Variants in DOCK5 observed in about 807,000 individuals in gnomAD.
DOCK5 encodes the protein dedicator of cytokinesis 5.
A neutral mutation model predicts 251.8 loss-of-function variants in DOCK5; 142 were observed. The ratio of observed to expected loss-of-function variants is 0.56; its 90% CI spans 0.49 to 0.65. The LOEUF (loss-of-function observed/expected upper bound fraction) is 0.65. Among genes scored for constraint, DOCK5 ranks in the 30% least tolerant of loss-of-function variants. DOCK5 has a pLI of 0.00. For synonymous variants in DOCK5, 842 were observed against 835.5 expected (o/e 1.01, Z -0.13); for missense variants, 2,111 against 2,312.3 (o/e 0.91, Z 1.79).
chr8:25,235,459 A>G (rs915777507), intron 1 of DOCK5, among the ~76,000 whole-genome samples: 3 of 152,040 alleles, frequency 2.0e-5, no homozygotes, highest in Admixed American at 6.6e-5. Flanking sequence ...GGGTCTCCCT[A>G]TGTTGCCCAG....
chr8:25,208,724 T>C (rs1332660870), intron 1 of DOCK5, among the ~76,000 whole-genome samples: 1 of 152,246 alleles, frequency 6.6e-6, no homozygotes, highest in Non-Finnish European at 1.5e-5. Flanking sequence ...TTGGCTTTAC[T>C]GCAATATTTG....
chr8:25,300,280 G>A (rs546866840), intron 8 of DOCK5, among the ~76,000 whole-genome samples: 13 of 152,310 alleles, frequency 8.5e-5, no homozygotes, highest in South Asian at 4.1e-4. Context: ...AACCCAGACC[G>A]TAGCATCCCA....
At chr8:25,369,789 G>A (rs1800842044) in intron 34 of DOCK5, 148 bp downstream of exon 34, 5 of 584,726 alleles carry the variant, frequency 8.6e-6, no homozygotes, top group South Asian at 4.9e-5. Context: ...GTTATGGGGT[G>A]TATACTGTCC....
chr8:25,395,749 T>C, intron 45 of DOCK5, 30 bp downstream of exon 45: 1 of 1,601,382 alleles, frequency 6.2e-7, no homozygotes, highest in Non-Finnish European at 8.5e-7. Flanking sequence ...CCCCTAGGGA[T>C]TCACAGACCT....
At chr8:25,300,478 G>T in intron 8 of DOCK5, 98 bp from the exon 9 acceptor site, 1 of 1,062,008 alleles carries the variant, frequency 9.4e-7, no homozygotes, top group Non-Finnish European at 1.4e-6. Flanking sequence ...GAGCATTTCT[G>T]GCCTTTCCTC....
intron 11 of DOCK5, chr8:25,305,306 AAG>A (rs1491219306): frequency 1.3e-5 from 2 of 152,120 alleles, no homozygotes; most frequent in Non-Finnish European, 2.9e-5. Flanking sequence ...AAAAAAAAAA[AAG>A]GTTTTTGGAG....
intron 9 of DOCK5, 54 bp from the exon 10 acceptor site, chr8:25,302,271 A>G (rs966471623): frequency 6.6e-7 from 1 of 1,525,992 alleles, no homozygotes; most frequent in Non-Finnish European, 8.8e-7. Flanking sequence ...AAAGAGACAC[A>G]GGTGACACAG....
chr8:25,316,613 C>T (rs1027551694), intron 13 of DOCK5, among the ~76,000 whole-genome samples: 4 of 152,182 alleles, frequency 2.6e-5, no homozygotes, highest in Non-Finnish European at 5.9e-5. Context: ...TTGCCTGGCA[C>T]AGCATATAAT....
chr8:25,369,980 C>T (rs761787237), intron 34 of DOCK5, among the ~76,000 whole-genome samples: 1 of 152,114 alleles, frequency 6.6e-6, no homozygotes, highest in Non-Finnish European at 1.5e-5. Flanking sequence ...TGCAAAGTAA[C>T]AATTTAAAGG....
At position 25,411,205 on chromosome 8, in the gene DOCK5, A is replaced by T; in HGVS notation, c.5520A>T (p.Pro1840=). The T allele has an allele frequency of 6.3e-7, 1 of 1,586,780 alleles. No homozygotes were observed. Among genetic ancestry groups the T allele is most frequent in the Non-Finnish European group, 8.6e-7 (1 of 1,168,568 alleles). Residue 1840 remains proline, a synonymous_variant, in exon 52 of 52, where the codon CCA becomes CCT. Coordinates refer to ENST00000276440, the MANE Select transcript of DOCK5 (RefSeq NM_024940.8). The part of the protein sequence containing the change: ...SQRNSTELAP[P]LPVRREAKAP... ...TTCTGCTTCTGCAGCTCGCTCCCCC[A>T]CTGCCTGTCCGAAGAGAAGCCAAAG...
chr8:25,261,518 T>G (rs958277330), intron 2 of DOCK5, among the ~76,000 whole-genome samples: 14 of 152,242 alleles, frequency 9.2e-5, no homozygotes, highest in Non-Finnish European at 1.8e-4. Context: ...TATTCAGTCA[T>G]ATTTCAGCAA....
chr8:25,352,350 G>A (rs1458738664), intron 27 of DOCK5, among the ~76,000 whole-genome samples: 1 of 151,990 alleles, frequency 6.6e-6, no homozygotes, highest in Non-Finnish European at 1.5e-5. Context: ...GAACCACCCA[G>A]CCCCTTTGAT....
At chr8:25,334,063 A>C (rs532586695) in intron 20 of DOCK5, 33 bp from the exon 21 acceptor site, 1 of 1,513,642 alleles carries the variant, frequency 6.6e-7, no homozygotes, top group Admixed American at 1.7e-5. Context: ...GGGATTGTGC[A>C]GTGCTGCTAT....
chr8:25,265,421 G>T (rs890109558), intron 2 of DOCK5, among the ~76,000 whole-genome samples: 4 of 151,742 alleles, frequency 2.6e-5, no homozygotes, highest in Admixed American at 2.0e-4. Flanking sequence ...CAACTTCCTC[G>T]CTTGATTTGT....
At chr8:25,197,990 T>TA (rs1801777443) in intron 1 of DOCK5, among the ~76,000 whole-genome samples, 2 of 152,094 alleles carry the variant, frequency 1.3e-5, no homozygotes, top group Non-Finnish European at 2.9e-5. Context: ...GACGTCGTGA[T>TA]CCGCCTGCGT....
At chr8:25,283,678 C>T (rs541330677) in intron 5 of DOCK5, among the ~76,000 whole-genome samples, 1 of 152,252 alleles carries the variant, frequency 6.6e-6, no homozygotes, top group South Asian at 2.1e-4. Flanking sequence ...CTGTATGGCC[C>T]CTTATCCAAG....
chr8:25,350,780 T>C (rs1018154810), intron 26 of DOCK5, among the ~76,000 whole-genome samples: 34 of 152,192 alleles, frequency 2.2e-4, no homozygotes, highest in African/African-American at 8.2e-4. Context: ...ACTCATTTAC[T>C]AAGAGCATTT....
chr8:25,267,165 G>T (rs1285835508), intron 2 of DOCK5, among the ~76,000 whole-genome samples: 1 of 152,102 alleles, frequency 6.6e-6, no homozygotes, highest in Non-Finnish European at 1.5e-5. Context: ...CTTGAGACCT[G>T]GGGAGAAATG....
At chr8:25,370,108 C>G (rs1800847871) in intron 34 of DOCK5, among the ~76,000 whole-genome samples, 3 of 152,188 alleles carry the variant, frequency 2.0e-5, no homozygotes. Context: ...CTGTCATCCA[C>G]CCCATCCAAC....
Sources: allele counts gnomAD v4.1 joint callset (sites outside exome capture counted in the v4.1 genomes callset), GRCh38; gene constraint gnomAD v4.1.1; transcripts MANE v1.5; gene names NCBI Gene and HGNC (gene_info 2026-07-23, HGNC 2026-07-21).